Variants in RIN3 observed in about 807,000 individuals in gnomAD.
RIN3 encodes Ras and Rab interactor 3.
A neutral mutation model predicts 76.3 loss-of-function variants in RIN3; 54 were observed. That is an observed-to-expected ratio of 0.71 (90% CI 0.57 to 0.89). The LOEUF is 0.89. Ranked by LOEUF, RIN3 falls within the 40% of genes least tolerant of loss-of-function variation. RIN3 has a pLI of 0.00. For synonymous variants in RIN3, 576 were observed against 564.0 expected (o/e 1.02, Z -0.30); for missense variants, 1,256 against 1,322.1 (o/e 0.95, Z 0.78).
In RIN3 at chr14:92,602,381, G is replaced by A. The variant is rs146671005; in HGVS notation, c.368-13026G>A. On this transcript the variant is annotated intron_variant, in intron 3 of 9. Transcript: ENST00000216487. ...ACTGCCGACAGTGAGGCAGGGACAC[G>A]CCGATTGCATTCCTGTAGGAGGCAC... is the stretch of plus-strand genomic sequence containing the variant. Among the ~76,000 whole-genome samples, 171 of 152,286 alleles carry A rather than the reference G, an allele frequency of 1.1e-3. 2 individuals are homozygous for A. The highest frequency in any genetic ancestry group is 6.8e-3 in the Middle Eastern group (2 of 294).
intron 9 of RIN3, chr14:92,687,471 G>A (rs574058858): frequency 1.8e-5 from 3 of 163,200 alleles, no homozygotes; most frequent in Non-Finnish European, 4.0e-5. Context: ...GGCTCTTGCA[G>A]CCCTAAGGGG....
chr14:92,538,975 G>T (rs1190475956), intron 1 of RIN3, among the ~76,000 whole-genome samples: 2 of 151,878 alleles, frequency 1.3e-5, no homozygotes, highest in African/African-American at 4.8e-5. Flanking sequence ...AGCCTCCCAG[G>T]CCCCCTCCCA....
chr14:92,651,499 A>ACC, intron 5 of RIN3, 83 bp from the exon 6 acceptor site: 20 of 431,570 alleles, frequency 4.6e-5, no homozygotes, highest in East Asian at 1.7e-4. Context: ...CCACCCGTGG[A>ACC]CCCCGCCCAC....
chr14:92,624,764 A>G (rs554477026), intron 4 of RIN3, among the ~76,000 whole-genome samples: 10 of 152,314 alleles, frequency 6.6e-5, no homozygotes, highest in African/African-American at 2.4e-4. Context: ...GGAGTAACAG[A>G]ATAGATGAAA....
At chr14:92,573,913 G>T (rs1799775762) in intron 2 of RIN3, among the ~76,000 whole-genome samples, 1 of 152,180 alleles carries the variant, frequency 6.6e-6, no homozygotes, top group African/African-American at 2.4e-5. Flanking sequence ...CTCCAAGTAG[G>T]GTGACAATTT....
intron 1 of RIN3, among the ~76,000 whole-genome samples, chr14:92,545,106 G>GTTTTTTT (rs540126016): frequency 2.4e-5 from 2 of 82,172 alleles, no homozygotes; most frequent in Non-Finnish European, 4.4e-5. Flanking sequence ...ACTTTCTGGT[G>GTTTTTTT]TTTTTTTTTT....
At chr14:92,645,612 G>A (rs1887169739) in intron 5 of RIN3, among the ~76,000 whole-genome samples, 2 of 152,238 alleles carry the variant, frequency 1.3e-5, no homozygotes, top group African/African-American at 2.4e-5. Context: ...TAGAAAGGGG[G>A]ATGGAGAGTG....
chr14:92,635,614 G>C (rs1182145896), intron 4 of RIN3, among the ~76,000 whole-genome samples: 2 of 152,182 alleles, frequency 1.3e-5, no homozygotes, highest in Admixed American at 1.3e-4. Flanking sequence ...CACTTCGGGA[G>C]GCTGAGGCAG....
intron 1 of RIN3, among the ~76,000 whole-genome samples, chr14:92,543,576 C>T (rs1201387940): frequency 6.6e-6 from 1 of 151,568 alleles, no homozygotes; most frequent in Non-Finnish European, 1.5e-5. Flanking sequence ...ATTTACACCC[C>T]ACACCCTGGA....
In RIN3 at chr14:92,588,912, C is replaced by T. The variant is rs534292887; in HGVS notation, c.367+11435C>T. On this transcript the variant is annotated intron_variant, in intron 3 of 9. Coordinates refer to ENST00000216487, the MANE Select transcript of RIN3 (RefSeq NM_024832.5). ...AAAAGCTCTCGTATTGGTGTTATCA[C>T]GGAATGTCAGTCATTAGCCCATGAA... Among the ~76,000 whole-genome samples the T allele has an allele frequency of 3.9e-5, 6 of 152,312 alleles. No homozygotes were observed. In the South Asian group the frequency reaches 6.2e-4, roughly 16 times the overall value.
At position 92,656,076 on chromosome 14, in the gene RIN3, A is replaced by G. The variant is rs968612537; in HGVS notation, c.2026+3001A>G. 1.3e-5 allele frequency among the ~76,000 whole-genome samples: 2 copies of G among 152,182 alleles called. No individual in the cohort carries two copies. Among genetic ancestry groups the G allele is most frequent in the African/African-American group, 4.8e-5 (2 of 41,456 alleles). On this transcript the variant is annotated intron_variant, in intron 6 of 9. Coordinates refer to ENST00000216487, the MANE Select transcript of RIN3 (RefSeq NM_024832.5). The surrounding 1 kb of genome is among the most constrained non-coding windows in gnomAD (Gnocchi z 5.2). ...GCAGACCAGGAGGACACAGAAGGGC[A>G]TGGGAGGACGTGGAAGGACATGGAA...
intron 2 of RIN3, among the ~76,000 whole-genome samples, chr14:92,570,364 TTAAC>T (rs1484026773): frequency 6.6e-6 from 1 of 151,988 alleles, no homozygotes; most frequent in Non-Finnish European, 1.5e-5. Flanking sequence ...ACTGTCCACT[TTAAC>T]TAATGACATT....
chr14:92,648,425 C>T lies in RIN3; in HGVS notation c.533-3157C>T, dbSNP rs1377304353. ...CCATCCTGTCCCGTGGCAGGCTGCCCGGCTGGTGGCCCATCCGTTTACGGG... is the reference window on the plus strand; with the variant it reads ...CCATCCTGTCCCGTGGCAGGCTGCCTGGCTGGTGGCCCATCCGTTTACGGG... On this transcript the variant is annotated intron_variant, in intron 5 of 9. Transcript: ENST00000216487. This position sits in a 1 kb window ranked among gnomAD's most constrained non-coding sequence, Gnocchi z 4.1. Among the ~76,000 whole-genome samples, 4 of 152,220 alleles carry T rather than the reference C, an allele frequency of 2.6e-5. No individual in the cohort carries two copies. Among genetic ancestry groups the T allele is most frequent in the South Asian group, 2.1e-4 (1 of 4,830 alleles).
chr14:92,679,402 C>T (rs1183490578), intron 8 of RIN3, among the ~76,000 whole-genome samples: 1 of 152,238 alleles, frequency 6.6e-6, no homozygotes, highest in African/African-American at 2.4e-5. Flanking sequence ...GGGCACATCC[C>T]TGCACCTCTC....
Position 92,577,375 on chromosome 14 carries a change from C to G in RIN3, c.265C>G (p.Arg89Gly). ...TTGGTTTCAGATGTTCCTGGTTCGCCGGGACAGCAGCTCGAAGCAGCTGGT... is the reference window on the plus strand; with the variant it reads ...TTGGTTTCAGATGTTCCTGGTTCGCGGGGACAGCAGCTCGAAGCAGCTGGT... ...RVVAGMFLVR[R>G]DSSSKQLVLC... Residue 89 changes from arginine to glycine, a missense_variant, in exon 3 of 10, where the codon CGG becomes GGG. By Grantham distance (125) the Arg-to-Gly change is moderately radical (BLOSUM62 -2). Transcript: ENST00000216487. The G allele has an allele frequency of 6.2e-7, 1 of 1,612,884 alleles. No individual in the cohort carries two copies. Among genetic ancestry groups the G allele is most frequent in the Non-Finnish European group, 8.5e-7 (1 of 1,179,216 alleles).
chr14:92,588,385 C>A (rs1884857448), intron 3 of RIN3, among the ~76,000 whole-genome samples: 1 of 151,916 alleles, frequency 6.6e-6, no homozygotes, highest in Non-Finnish European at 1.5e-5. Flanking sequence ...GTGCCGCCGC[C>A]CCTGGCAATT....
At chr14:92,645,851 T>C (rs1354639669) in intron 5 of RIN3, among the ~76,000 whole-genome samples, 1 of 151,710 alleles carries the variant, frequency 6.6e-6, no homozygotes, top group Admixed American at 6.6e-5. Context: ...CCTCAGGAGG[T>C]TGAGGCAGGA....
Position 92,577,396 on chromosome 14 carries a change from C to CT in RIN3, c.287dup (p.Val97GlyfsTer22). On this transcript the variant is annotated frameshift_variant, in exon 3 of 10. Transcript: ENST00000216487. LOFTEE classifies it high-confidence loss of function. ...TCGCCGGGACAGCAGCTCGAAGCAGCTGGTGCTCTGTGTCCACTTTCCTTC... is the reference window on the plus strand; with the variant it reads ...TCGCCGGGACAGCAGCTCGAAGCAGCTTGGTGCTCTGTGTCCACTTTCCTTC... 1 of 1,613,744 alleles carries CT rather than the reference C, an allele frequency of 6.2e-7. No individual in the cohort carries two copies. Among genetic ancestry groups the CT allele is most frequent in the Non-Finnish European group, 8.5e-7 (1 of 1,179,778 alleles).
intron 1 of RIN3, among the ~76,000 whole-genome samples, chr14:92,535,565 G>A (rs1166712265): frequency 6.6e-6 from 1 of 151,448 alleles, no homozygotes; most frequent in Non-Finnish European, 1.5e-5. Flanking sequence ...TGTTTAAGAA[G>A]TCTCTCGACC....
Sources: allele counts gnomAD v4.1 joint callset (sites outside exome capture counted in the v4.1 genomes callset), GRCh38; gene constraint gnomAD v4.1.1; non-coding constraint Gnocchi (gnomAD v3.1); transcripts MANE v1.5; gene names NCBI Gene and HGNC (gene_info 2026-07-23, HGNC 2026-07-21).